The following MDFIC2 variants were observed in gnomAD, a reference collection of about 807,000 sequenced individuals.
The protein encoded by MDFIC2 is MyoD family inhibitor domain containing 2.
intron 2 of MDFIC2, among the ~76,000 whole-genome samples, chr3:70,248,854 A>G (rs1480674986): frequency 1.3e-5 from 2 of 152,132 alleles, no homozygotes; most frequent in South Asian, 2.1e-4. Context: ...ACATGACTCA[A>G]TTGAAAGGAA....
In MDFIC2 at chr3:70,293,130, C is replaced by A. The variant is rs369687455; in HGVS notation, c.88+18756G>T. On this transcript the variant is annotated intron_variant, in intron 2 of 3. Coordinates refer to ENST00000567252, the MANE Select transcript of MDFIC2 (RefSeq NM_001364677.1). ...CAGTATTCACCAACTGCTGCTCTCC[C>A]TCCAGCTTTTTACATTTCTGGAAGT... Among the ~76,000 whole-genome samples, 37 of 151,726 alleles carry A rather than the reference C, an allele frequency of 2.4e-4. No individual in the cohort carries two copies. The South Asian group carries it at 7.5e-3, about 31-fold the overall frequency.
chr3:70,209,850 T>A (rs934277220), intron 2 of MDFIC2, among the ~76,000 whole-genome samples: 1 of 152,052 alleles, frequency 6.6e-6, no homozygotes, highest in Non-Finnish European at 1.5e-5. Flanking sequence ...CCCTTAGCAG[T>A]CTTTGCAAAG....
At chr3:70,254,911 T>A (rs1701800946) in intron 2 of MDFIC2, among the ~76,000 whole-genome samples, 1 of 152,346 alleles carries the variant, frequency 6.6e-6, no homozygotes, top group Non-Finnish European at 1.5e-5. Flanking sequence ...CTTTTCCGAC[T>A]GTAACATTCC....
intron 2 of MDFIC2, among the ~76,000 whole-genome samples, chr3:70,240,483 C>T (rs1047265117): frequency 4.6e-5 from 7 of 151,974 alleles, no homozygotes; most frequent in Non-Finnish European, 1.0e-4. Context: ...AAGTTGGACC[C>T]TAACTAAAAA....
At chr3:70,229,922 TG>T (rs1377830516) in intron 2 of MDFIC2, among the ~76,000 whole-genome samples, 4 of 152,174 alleles carry the variant, frequency 2.6e-5, no homozygotes, top group African/African-American at 7.2e-5. Flanking sequence ...AAGAATATTT[TG>T]GGGTATATAT....
At position 70,196,638 on chromosome 3, in the gene MDFIC2, A is replaced by T. The variant is rs1419316853; in HGVS notation, c.*288T>A. 6.6e-6 allele frequency among the ~76,000 whole-genome samples: 1 copy of T among 152,192 alleles called. No individual in the cohort carries two copies. The highest frequency in any genetic ancestry group is 2.4e-5 in the African/African-American group (1 of 41,452). ...ACGCAGTGGCTTAACATGCTATTTT[A>T]TAGTCAAGAAACATCTTGTACCTAC... On this transcript the variant is annotated 3_prime_UTR_variant, in exon 4 of 4. Coordinates refer to ENST00000567252, the MANE Select transcript of MDFIC2 (RefSeq NM_001364677.1).
At chr3:70,211,889 CCCTTTGTCCTTTCCTTT>C (rs908314513) in intron 2 of MDFIC2, among the ~76,000 whole-genome samples, 7 of 148,808 alleles carry the variant, frequency 4.7e-5, no homozygotes, top group Non-Finnish European at 8.9e-5. Flanking sequence ...TTCTTCCCTT[CCCTTTGTCCTTTCCTTT>C]CCTTTGTCCT....
intron 3 of MDFIC2, 39 bp from the exon 4 acceptor site, chr3:70,197,224 G>C (rs891795502): frequency 5.0e-6 from 2 of 398,148 alleles, no homozygotes; most frequent in Admixed American, 4.4e-5. Context: ...TGGCACATCT[G>C]GGGGCGTCTA....
At chr3:70,242,945 G>T (rs1263900721) in intron 2 of MDFIC2, among the ~76,000 whole-genome samples, 1 of 152,046 alleles carries the variant, frequency 6.6e-6, no homozygotes, top group Non-Finnish European at 1.5e-5. Flanking sequence ...ATCAAAAAAA[G>T]ACTTTAAAAA....
intron 2 of MDFIC2, among the ~76,000 whole-genome samples, chr3:70,208,276 T>C (rs1302434625): frequency 2.0e-5 from 3 of 152,198 alleles, no homozygotes; most frequent in Non-Finnish European, 2.9e-5. Flanking sequence ...ATAATGCTCA[T>C]TGAGTTACTG....
intron 2 of MDFIC2, among the ~76,000 whole-genome samples, chr3:70,245,883 C>T (rs1239998968): frequency 6.6e-6 from 1 of 151,000 alleles, no homozygotes. Context: ...GCTGCCATTG[C>T]CAATTTAGGA....
At chr3:70,311,686 A>G (rs1320967327) in intron 2 of MDFIC2, among the ~76,000 whole-genome samples, 200 bp downstream of exon 2, 2 of 152,206 alleles carry the variant, frequency 1.3e-5, no homozygotes, top group Non-Finnish European at 2.9e-5. Flanking sequence ...CAGGGACCAC[A>G]AGAAGCATTT....
At chr3:70,272,722 C>A (rs1016855455) in intron 2 of MDFIC2, among the ~76,000 whole-genome samples, 5 of 152,194 alleles carry the variant, frequency 3.3e-5, no homozygotes, top group Non-Finnish European at 7.3e-5. Context: ...CATTGCATTG[C>A]TGGAATGTAC....
chr3:70,258,623 CT>C (rs1160287269), intron 2 of MDFIC2, among the ~76,000 whole-genome samples: 2 of 152,106 alleles, frequency 1.3e-5, no homozygotes, highest in Non-Finnish European at 2.9e-5. Context: ...TTCATATGCT[CT>C]GACTTAGCTC....
intron 2 of MDFIC2, among the ~76,000 whole-genome samples, chr3:70,233,053 G>T (rs1701575908): frequency 6.6e-6 from 1 of 152,302 alleles, no homozygotes; most frequent in East Asian, 1.9e-4. Context: ...GCCGGACATG[G>T]TGGCATGCGC....
At chr3:70,291,998 A>G (rs1702243823) in intron 2 of MDFIC2, 1 of 152,196 alleles carries the variant, frequency 6.6e-6, no homozygotes, top group African/African-American at 2.4e-5. Flanking sequence ...ATCATATACA[A>G]GACACGATGG....
chr3:70,221,989 C>T (rs1251257273), intron 2 of MDFIC2, among the ~76,000 whole-genome samples: 1 of 152,102 alleles, frequency 6.6e-6, no homozygotes, highest in East Asian at 1.9e-4. Flanking sequence ...ATTAGGTTGT[C>T]ATAGAAAAAT....
chr3:70,270,598 T>G (rs2106671059), intron 2 of MDFIC2, among the ~76,000 whole-genome samples: 2 of 152,300 alleles, frequency 1.3e-5, no homozygotes, highest in Admixed American at 1.3e-4. Context: ...ATTTCACAGC[T>G]GGCCAGGGTT....
intron 2 of MDFIC2, among the ~76,000 whole-genome samples, chr3:70,228,954 G>T (rs1163276298): frequency 3.3e-5 from 5 of 152,132 alleles, no homozygotes; most frequent in African/African-American, 1.2e-4. Flanking sequence ...TCCAAGAGCA[G>T]AGTCCAGTGA....
Sources: allele counts gnomAD v4.1 joint callset (sites outside exome capture counted in the v4.1 genomes callset), GRCh38; gene constraint gnomAD v4.1.1; transcripts MANE v1.5; gene names NCBI Gene and HGNC (gene_info 2026-07-23, HGNC 2026-07-21).